The following CDH13 variants were observed in gnomAD, a reference collection of about 807,000 sequenced individuals.
CDH13 encodes cadherin 13, also known as cadherin-13.
A neutral mutation model predicts 63.8 loss-of-function variants in CDH13; 24 were observed. The observed-to-expected ratio is 0.38, with a 90% CI of 0.27 to 0.53. The LOEUF (loss-of-function observed/expected upper bound fraction) is 0.53, where lower values mean the gene tolerates loss of function less well. CDH13 is among the 20% of genes least tolerant of loss of function. The probability of loss-of-function intolerance (pLI) is 0.85; values close to 1 mark genes in which losing one functional copy is unlikely to be tolerated. For synonymous variants in CDH13, 503 were observed against 355.3 expected (o/e 1.42, Z -4.67); for missense variants, 1,049 against 903.1 (o/e 1.16, Z -2.07).
chr16:82,862,256 A>T (rs1567610217), intron 2 of CDH13, among the ~76,000 whole-genome samples: 1 of 152,180 alleles, frequency 6.6e-6, no homozygotes, highest in African/African-American at 2.4e-5. Flanking sequence ...AGAACAGAAG[A>T]TCCCCAGTCT....
At chr16:82,869,885 A>C (rs1227172684) in intron 2 of CDH13, among the ~76,000 whole-genome samples, 1 of 152,212 alleles carries the variant, frequency 6.6e-6, no homozygotes. Context: ...GACTACATGA[A>C]AACATTGGGG....
chr16:83,429,376 G>T (rs1459540690), intron 6 of CDH13, among the ~76,000 whole-genome samples: 1 of 152,118 alleles, frequency 6.6e-6, no homozygotes, highest in East Asian at 1.9e-4. Flanking sequence ...CTCCTTTGAT[G>T]ACCCATCTTT....
At position 83,795,209 on chromosome 16, in the gene CDH13, C is replaced by A; in HGVS notation, c.*179C>A. 1.8e-6 allele frequency: 1 copy of A among 551,646 alleles called. No homozygotes were observed. 34.2% of individuals were successfully genotyped at this position (551,646 alleles called of 1,614,324 possible). On this transcript the variant is annotated 3_prime_UTR_variant, in exon 14 of 14. Coordinates refer to ENST00000567109, the MANE Select transcript of CDH13 (RefSeq NM_001257.5). ...AGTCTGTACTTCATCATTTTGACAG[C>A]ATCTTCCTCCCTCCTTTAATTAATG...
intron 4 of CDH13, among the ~76,000 whole-genome samples, chr16:83,187,565 AG>A (rs1262184995): frequency 1.3e-5 from 2 of 152,010 alleles, no homozygotes; most frequent in East Asian, 3.9e-4. Context: ...AATCCCAGGC[AG>A]GGGTGTTTTT....
intron 1 of CDH13, among the ~76,000 whole-genome samples, chr16:82,729,743 C>T (rs975891299): frequency 2.6e-5 from 4 of 152,184 alleles, no homozygotes; most frequent in African/African-American, 9.7e-5. Flanking sequence ...GCAGTGACTT[C>T]TCTCTATCTA....
chr16:83,613,922 C>G (rs989409073), intron 8 of CDH13, among the ~76,000 whole-genome samples: 3 of 152,018 alleles, frequency 2.0e-5, no homozygotes, highest in African/African-American at 7.3e-5. Context: ...AAATTATCAG[C>G]TGAAATTCTA....
chr16:83,288,330 T>C (rs1478581265), intron 5 of CDH13, among the ~76,000 whole-genome samples: 1 of 152,150 alleles, frequency 6.6e-6, no homozygotes, highest in African/African-American at 2.4e-5. Context: ...ATGGTGTCTT[T>C]TAATAATGGA....
intron 13 of CDH13, among the ~76,000 whole-genome samples, chr16:83,784,102 T>C (rs1009484365): frequency 6.6e-6 from 1 of 152,228 alleles, no homozygotes; most frequent in Non-Finnish European, 1.5e-5. Context: ...AATGTTAACT[T>C]TAGCCGTTAT....
intron 1 of CDH13, among the ~76,000 whole-genome samples, chr16:82,749,024 T>C (rs752370768): frequency 1.3e-5 from 2 of 152,006 alleles, no homozygotes; most frequent in Non-Finnish European, 2.9e-5. Flanking sequence ...TGTTGCAGAG[T>C]GTTGGCCTTC....
intron 11 of CDH13, among the ~76,000 whole-genome samples, chr16:83,767,041 T>C (rs1914437178): frequency 6.6e-6 from 1 of 152,110 alleles, no homozygotes; most frequent in South Asian, 2.1e-4. Flanking sequence ...TTACCCAGTC[T>C]CGGGCAATTC....
chr16:83,195,115 G>C (rs1438151758), intron 4 of CDH13, among the ~76,000 whole-genome samples: 3 of 152,074 alleles, frequency 2.0e-5, no homozygotes, highest in Non-Finnish European at 4.4e-5. Context: ...TTCAGAGGAA[G>C]ATGTTCTTTG....
At chr16:83,729,386 G>A (rs1395893531) in intron 10 of CDH13, among the ~76,000 whole-genome samples, 1 of 152,114 alleles carries the variant, frequency 6.6e-6, no homozygotes, top group Non-Finnish European at 1.5e-5. Context: ...TGTATTACTA[G>A]TCTTTTTATT....
chr16:83,622,857 G>A (rs1314200352), intron 8 of CDH13, among the ~76,000 whole-genome samples: 5 of 152,174 alleles, frequency 3.3e-5, no homozygotes, highest in East Asian at 1.9e-4. Context: ...TGCAGTCACC[G>A]CATGCCTACC....
intron 3 of CDH13, among the ~76,000 whole-genome samples, chr16:83,044,185 C>T (rs983509072): frequency 5.9e-5 from 9 of 152,154 alleles, no homozygotes; most frequent in Admixed American, 2.0e-4. Flanking sequence ...GTAGCTCAGG[C>T]TCAGAAAAGT....
chr16:83,227,021 G>A (rs1005566150), intron 5 of CDH13, among the ~76,000 whole-genome samples: 1 of 152,226 alleles, frequency 6.6e-6, no homozygotes, highest in African/African-American at 2.4e-5. Context: ...GATACGGACA[G>A]GTTGTCCTCC....
intron 1 of CDH13, among the ~76,000 whole-genome samples, chr16:82,808,822 C>A (rs2037290832): frequency 6.6e-6 from 1 of 152,108 alleles, no homozygotes; most frequent in Non-Finnish European, 1.5e-5. Flanking sequence ...GTGTCATGTT[C>A]CTGGTGTGAG....
intron 6 of CDH13, among the ~76,000 whole-genome samples, chr16:83,460,803 G>A (rs901513971): frequency 1.0e-4 from 15 of 150,738 alleles, no homozygotes; most frequent in Non-Finnish European, 2.2e-4. Context: ...TCCAAGATCA[G>A]CCTGGGCAAC....
chr16:82,935,352 G>T lies in CDH13; in HGVS notation c.157+76879G>T, dbSNP rs139647929. On this transcript the variant is annotated intron_variant, in intron 2 of 13. Coordinates refer to ENST00000567109, the MANE Select transcript of CDH13 (RefSeq NM_001257.5). ...TCCCATGAGGTCCCTCCCCCAACAC[G>T]TGGGGATTATGATTTGGATTACAAT... is the stretch of plus-strand genomic sequence containing the variant. 3.3e-5 allele frequency among the ~76,000 whole-genome samples: 5 copies of T among 152,278 alleles called. No individual in the cohort carries two copies. In the East Asian group the frequency reaches 9.7e-4, roughly 29 times the overall value.
intron 4 of CDH13, among the ~76,000 whole-genome samples, chr16:83,177,048 G>C (rs1254683233): frequency 1.3e-5 from 2 of 152,186 alleles, no homozygotes; most frequent in Non-Finnish European, 2.9e-5. Flanking sequence ...TGCACATCCA[G>C]TATGATAAGC....
Sources: allele counts gnomAD v4.1 joint callset (sites outside exome capture counted in the v4.1 genomes callset), GRCh38; gene constraint gnomAD v4.1.1; transcripts MANE v1.5; gene names NCBI Gene and HGNC (gene_info 2026-07-23, HGNC 2026-07-21).